The following SOX6 variants were observed in gnomAD, a reference collection of about 807,000 sequenced individuals.
The protein encoded by SOX6 is SRY-box transcription factor 6, also known as transcription factor SOX-6.
A neutral mutation model predicts 97.8 loss-of-function variants in SOX6; 11 were observed. The observed-to-expected ratio is 0.11, with a 90% confidence interval of 0.07 to 0.19. The LOEUF (loss-of-function observed/expected upper bound fraction) is 0.19, where lower values mean the gene tolerates loss of function less well. Among genes scored for constraint, SOX6 ranks in the 10% least tolerant of loss-of-function variants. The pLI, the probability that SOX6 is intolerant of heterozygous loss-of-function variation, is 1.00. For missense variants in SOX6, 810 were observed against 1,039.5 expected, an observed-to-expected ratio of 0.78 and a Z score of 3.04; for synonymous variants, 360 against 371.4, an observed-to-expected ratio of 0.97 and a Z score of 0.35.
At chr11:16,663,350 G>T (rs1847780501) in intron 3 of SOX6, among the ~76,000 whole-genome samples, 2 of 151,808 alleles carry the variant, frequency 1.3e-5, no homozygotes, top group African/African-American at 4.8e-5. Flanking sequence ...TTGAGACAGG[G>T]TGTCACTTTG....
chr11:16,231,459 C>T (rs930851328), intron 4 of SOX6, among the ~76,000 whole-genome samples: 1 of 151,556 alleles, frequency 6.6e-6, no homozygotes, highest in African/African-American at 2.4e-5. Context: ...ATAAAAATGG[C>T]AAGAAATTTT....
chr11:16,568,782 C>T (rs1481921110), intron 4 of SOX6, among the ~76,000 whole-genome samples: 1 of 152,072 alleles, frequency 6.6e-6, no homozygotes, highest in African/African-American at 2.4e-5. Context: ...TAAAAATATT[C>T]ATAACATTAT....
chr11:16,511,154 A>T (rs1324555925), intron 4 of SOX6, among the ~76,000 whole-genome samples: 1 of 152,042 alleles, frequency 6.6e-6, no homozygotes, highest in Non-Finnish European at 1.5e-5. Flanking sequence ...AGCAACCTAA[A>T]CTCACTCTTT....
intron 4 of SOX6, among the ~76,000 whole-genome samples, chr11:16,231,739 T>G (rs1215780670): frequency 6.6e-6 from 1 of 151,752 alleles, no homozygotes; most frequent in African/African-American, 2.4e-5. Flanking sequence ...ACAACTTAAA[T>G]GTTGAAGAAA....
chr11:16,114,792 C>T (rs1849308124), intron 6 of SOX6, among the ~76,000 whole-genome samples: 1 of 152,074 alleles, frequency 6.6e-6, no homozygotes, highest in Non-Finnish European at 1.5e-5. Flanking sequence ...ATTTATTTAG[C>T]AGCATCTTAG....
intron 6 of SOX6, among the ~76,000 whole-genome samples, chr11:16,158,447 C>T (rs1850657973): frequency 6.6e-6 from 1 of 152,036 alleles, no homozygotes; most frequent in Non-Finnish European, 1.5e-5. Flanking sequence ...TCTTTTCCCA[C>T]ATCTCCCAAG....
At chr11:16,524,172 A>C (rs559611171) in intron 4 of SOX6, among the ~76,000 whole-genome samples, 23 of 152,240 alleles carry the variant, frequency 1.5e-4, no homozygotes, top group Admixed American at 3.9e-4. Context: ...AGAGACACAA[A>C]CAAAAAAGAG....
intron 6 of SOX6, among the ~76,000 whole-genome samples, chr11:16,133,143 A>G (rs769727641): frequency 2.6e-5 from 4 of 152,216 alleles, no homozygotes; most frequent in East Asian, 1.9e-4. Flanking sequence ...AGTGGACATT[A>G]TCCAGTGAAT....
chr11:16,584,572 T>A (rs1386911618), intron 4 of SOX6, among the ~76,000 whole-genome samples: 1 of 152,180 alleles, frequency 6.6e-6, no homozygotes, highest in Non-Finnish European at 1.5e-5. Flanking sequence ...GAAAACAGTA[T>A]GGAATGATTA....
intron 7 of SOX6, among the ~76,000 whole-genome samples, chr11:16,106,542 A>T (rs548230853): frequency 1.3e-5 from 2 of 152,180 alleles, no homozygotes; most frequent in African/African-American, 4.8e-5. Context: ...TGTGCAAAAG[A>T]TGTAAAACAA....
chr11:16,734,026 C>CA (rs912566097), intron 2 of SOX6, among the ~76,000 whole-genome samples: 1,093 of 64,562 alleles, frequency 0.017, 15 homozygotes, highest in African/African-American at 0.042. Context: ...GACTTTGTCT[C>CA]AAAAAAAAAA....
At chr11:16,373,319 G>A (rs947223419) in intron 1 of SOX6, among the ~76,000 whole-genome samples, 1 of 152,036 alleles carries the variant, frequency 6.6e-6, no homozygotes, top group Non-Finnish European at 1.5e-5. Context: ...CTAAAAGAGA[G>A]ATGTGTCAGC....
chr11:16,217,673 T>C (rs1297865890), intron 4 of SOX6, among the ~76,000 whole-genome samples: 2 of 152,276 alleles, frequency 1.3e-5, no homozygotes, highest in Non-Finnish European at 1.5e-5. Context: ...TAATAATCTC[T>C]ACTTCTGAGT....
chr11:16,030,289 T>C (rs1855332680), intron 12 of SOX6, among the ~76,000 whole-genome samples: 2 of 152,210 alleles, frequency 1.3e-5, no homozygotes, highest in African/African-American at 4.8e-5. Context: ...CCCTTGAAGA[T>C]TAATATGTTT....
intron 12 of SOX6, among the ~76,000 whole-genome samples, chr11:16,046,280 C>A (rs1855827652): frequency 6.6e-6 from 1 of 152,050 alleles, no homozygotes; most frequent in African/African-American, 2.4e-5. Context: ...CAGAAAAACA[C>A]CAATAGGCAG....
chr11:16,434,571 C>A (rs1859336851), intron 1 of SOX6: 1 of 152,104 alleles, frequency 6.6e-6, no homozygotes. Context: ...ACGTTTAGTG[C>A]AGTATATCAT....
chr11:16,634,154 A>G (rs1200545121), intron 3 of SOX6, among the ~76,000 whole-genome samples: 1 of 152,180 alleles, frequency 6.6e-6, no homozygotes, highest in Non-Finnish European at 1.5e-5. Context: ...ATGAAAAAGT[A>G]GCAAATCTAA....
chr11:16,615,426 C>A (rs963352720), intron 3 of SOX6, among the ~76,000 whole-genome samples: 9 of 152,186 alleles, frequency 5.9e-5, no homozygotes, highest in Admixed American at 1.3e-4. Context: ...AGAAACTAAG[C>A]CAGGGTAGGA....
At chr11:16,332,529 T>C (rs1485667333) in intron 2 of SOX6, among the ~76,000 whole-genome samples, 1 of 152,096 alleles carries the variant, frequency 6.6e-6, no homozygotes, top group East Asian at 1.9e-4. Context: ...AAGCAAAAGT[T>C]TACCAAATAA....
Sources: gnomAD v4.1 joint callset for allele counts (sites outside exome capture counted in the v4.1 genomes callset) on GRCh38, gnomAD v4.1.1 for gene constraint, MANE v1.5 for transcripts, NCBI Gene and HGNC (gene_info 2026-07-23, HGNC 2026-07-21) for gene names.